Variants in ADK observed in about 807,000 individuals in gnomAD.
The protein encoded by ADK is adenosine kinase.
Under a neutral mutation model 44.7 loss-of-function variants are expected in ADK, and 24 were observed. That is an observed-to-expected ratio of 0.54 (90% CI 0.39 to 0.76). The LOEUF (loss-of-function observed/expected upper bound fraction) is 0.76. ADK is among the 30% of genes least tolerant of loss of function. ADK has a pLI of 0.00. For synonymous variants in ADK, 128 were observed against 142.6 expected (o/e 0.90, Z 0.73); for missense variants, 321 against 425.1 (o/e 0.76, Z 2.15).
At chr10:74,640,287 G>A (rs1297187138) in intron 9 of ADK, among the ~76,000 whole-genome samples, 1 of 152,194 alleles carries the variant, frequency 6.6e-6, no homozygotes, top group East Asian at 1.9e-4. Context: ...GAGGGTACTG[G>A]TGCACTCCTG....
intron 6 of ADK, among the ~76,000 whole-genome samples, chr10:74,457,197 A>G (rs985180281): frequency 1.3e-5 from 2 of 152,228 alleles, no homozygotes; most frequent in African/African-American, 4.8e-5. Context: ...AGAATACTAT[A>G]GACACCTCTA....
intron 3 of ADK, among the ~76,000 whole-genome samples, chr10:74,236,109 C>T (rs138921946): frequency 1.1e-3 from 168 of 152,300 alleles, no homozygotes; most frequent in African/African-American, 3.9e-3. Flanking sequence ...TCCCCTAAAC[C>T]ATTTTATATT....
chr10:74,158,405 T>C (rs918917053), intron 1 of ADK, among the ~76,000 whole-genome samples: 1 of 152,218 alleles, frequency 6.6e-6, no homozygotes, highest in Non-Finnish European at 1.5e-5. Context: ...TAAGCTATAT[T>C]TCTGAAATCC....
Position 74,176,917 on chromosome 10 carries a change from C to T in ADK, c.66-23847C>T, listed in dbSNP as rs373735079. 5.5e-5 allele frequency: 89 copies of T among 1,609,118 alleles called. No homozygotes were observed. In the South Asian group the frequency reaches 7.8e-4, roughly 14 times the overall value. On this transcript the variant is annotated intron_variant, in intron 1 of 10. Transcript: ENST00000539909. ...GAGCGGGCGGCTGCCTTGACTGCTC[C>T]GAGCTGGGCGTTAGCCTCCCGAGCG...
At chr10:74,153,091 T>C (rs1376528015) in intron 1 of ADK, among the ~76,000 whole-genome samples, 1 of 152,192 alleles carries the variant, frequency 6.6e-6, no homozygotes, top group African/African-American at 2.4e-5. Flanking sequence ...CTGGTTTTGG[T>C]TAAGGAGAAT....
At chr10:74,282,727 C>T (rs1255026275) in intron 3 of ADK, among the ~76,000 whole-genome samples, 1 of 152,058 alleles carries the variant, frequency 6.6e-6, no homozygotes, top group African/African-American at 2.4e-5. Flanking sequence ...TCCTTGTTCC[C>T]ATCTGAGTCA....
intron 3 of ADK, among the ~76,000 whole-genome samples, chr10:74,284,044 C>T (rs982317971): frequency 1.5e-4 from 23 of 151,950 alleles, no homozygotes; most frequent in Admixed American, 3.9e-4. Context: ...CTGCAACCTC[C>T]GCCTCCTGCG....
chr10:74,399,559 T>G lies in ADK; in HGVS notation c.555+980T>G, dbSNP rs1843638791. On this transcript the variant is annotated intron_variant, in intron 6 of 10. Transcript: ENST00000539909. ...GAGAAGATTATATAATGGAAAGTTATGCTATCTTTTCTGCCAGTATGTGAG... is the reference window on the plus strand; with the variant it reads ...GAGAAGATTATATAATGGAAAGTTAGGCTATCTTTTCTGCCAGTATGTGAG... Among the ~76,000 whole-genome samples, 3 of 151,962 alleles carry G rather than the reference T, an allele frequency of 2.0e-5. No individual in the cohort carries two copies. In the South Asian group the frequency reaches 6.2e-4, roughly 32 times the overall value.
chr10:74,261,593 G>A (rs1021989743), intron 3 of ADK, among the ~76,000 whole-genome samples: 1 of 152,154 alleles, frequency 6.6e-6, no homozygotes, highest in African/African-American at 2.4e-5. Context: ...GGTCTAAAAT[G>A]TCTTTATTCT....
chr10:74,338,114 TAACAACAAC>T (rs77774358), intron 4 of ADK, among the ~76,000 whole-genome samples: 3 of 150,902 alleles, frequency 2.0e-5, no homozygotes, highest in South Asian at 4.2e-4. Flanking sequence ...ATTTCTAGGA[TAACAACAAC>T]AACAACAACA....
At chr10:74,634,304 T>G (rs934960798) in intron 9 of ADK, among the ~76,000 whole-genome samples, 4 of 151,930 alleles carry the variant, frequency 2.6e-5, no homozygotes, top group African/African-American at 9.7e-5. Context: ...AAGCTCCGCC[T>G]CCCCAGTTCA....
At chr10:74,644,424 C>T (rs1853987325) in intron 9 of ADK, among the ~76,000 whole-genome samples, 1 of 152,170 alleles carries the variant, frequency 6.6e-6, no homozygotes, top group Admixed American at 6.5e-5. Flanking sequence ...TGTAATAAAA[C>T]TAATGCTCAG....
At chr10:74,158,833 A>C (rs753828262) in intron 1 of ADK, among the ~76,000 whole-genome samples, 3 of 152,174 alleles carry the variant, frequency 2.0e-5, no homozygotes, top group Non-Finnish European at 4.4e-5. Context: ...CATTTCAAAG[A>C]TACTTTTTGG....
At chr10:74,257,085 G>A (rs924607265) in intron 3 of ADK, among the ~76,000 whole-genome samples, 1 of 151,968 alleles carries the variant, frequency 6.6e-6, no homozygotes, top group African/African-American at 2.4e-5. Flanking sequence ...TACAAAAATG[G>A]GTAAAAATTG....
chr10:74,338,984 G>T (rs998156711), intron 4 of ADK, among the ~76,000 whole-genome samples: 2 of 152,112 alleles, frequency 1.3e-5, no homozygotes, highest in African/African-American at 2.4e-5. Flanking sequence ...ACAGTGTCTT[G>T]TTCCATTTCC....
At chr10:74,435,275 T>G (rs899297313) in intron 6 of ADK, among the ~76,000 whole-genome samples, 5 of 152,202 alleles carry the variant, frequency 3.3e-5, no homozygotes, top group Admixed American at 1.3e-4. Flanking sequence ...ACATTTACAT[T>G]TATTTAATGT....
chr10:74,546,011 A>G (rs1849808151), intron 7 of ADK, among the ~76,000 whole-genome samples: 1 of 152,190 alleles, frequency 6.6e-6, no homozygotes, highest in Non-Finnish European at 1.5e-5. Flanking sequence ...TGACCTCTTC[A>G]TTTCCTACCA....
intron 2 of ADK, among the ~76,000 whole-genome samples, chr10:74,221,157 G>T (rs2132231180): frequency 6.6e-6 from 1 of 151,110 alleles, no homozygotes; most frequent in South Asian, 2.1e-4. Context: ...AAGCTGATAA[G>T]CAACTTCAGC....
intron 8 of ADK, among the ~76,000 whole-genome samples, chr10:74,597,624 G>GAT (rs111673829): frequency 0.043 from 6,543 of 152,144 alleles, 425 homozygotes; most frequent in African/African-American, 0.14. Context: ...GTTTTCTCAT[G>GAT]TACATTGAGA....
Sources: allele counts gnomAD v4.1 joint callset (sites outside exome capture counted in the v4.1 genomes callset), GRCh38; gene constraint gnomAD v4.1.1; transcripts MANE v1.5; gene names NCBI Gene and HGNC (gene_info 2026-07-23, HGNC 2026-07-21).